HERC1: variants seen among roughly 807,000 people sequenced by gnomAD.
The protein encoded by HERC1 is probable E3 ubiquitin-protein ligase HERC1.
Under a neutral mutation model 554.3 loss-of-function variants are expected in HERC1, and 160 were observed. The observed-to-expected ratio is 0.29, with a 90% CI of 0.25 to 0.33. The LOEUF is 0.33. HERC1 is among the 10% of genes least tolerant of loss of function. The pLI, the probability that HERC1 is intolerant of heterozygous loss-of-function variation, is 1.00. For synonymous variants in HERC1, 2,175 were observed against 2,131.7 expected, an observed-to-expected ratio of 1.02 and a Z score of -0.56; for missense variants, 4,919 against 5,918.5, an observed-to-expected ratio of 0.83 and a Z score of 5.54.
chr15:63,718,528 C>A lies in HERC1; in HGVS notation c.3978+46G>T. The A allele has an allele frequency of 6.6e-7, 1 of 1,513,008 alleles. No individual in the cohort carries two copies. 93.7% of individuals were successfully genotyped at this position (1,513,008 alleles called of 1,614,324 possible). Reference sequence around the variant, plus strand: ...CATAAACCAATTTAGAGCTAGCTCTCACAGCTTGCAGAAAAACATAGAAAT... The same window carrying A: ...CATAAACCAATTTAGAGCTAGCTCTAACAGCTTGCAGAAAAACATAGAAAT... On this transcript the variant is annotated intron_variant, in intron 21 of 77. Coordinates refer to ENST00000443617, the MANE Select transcript of HERC1 (RefSeq NM_003922.4). This position sits in a 1 kb window ranked among gnomAD's most constrained non-coding sequence, Gnocchi z 4.2.
chr15:63,666,453 A>G lies in HERC1; in HGVS notation c.8226T>C (p.Ser2742=). Residue 2742 remains serine, a synonymous_variant, in exon 41 of 78, where the codon AGT becomes AGC. Transcript: ENST00000443617. Reference sequence around the variant, plus strand: ...GAGGAGGAGGAGAAGTTGAAAGTCTACTGCTTGGGTCTGACAAGGCTGAGA... The same window carrying G: ...GAGGAGGAGGAGAAGTTGAAAGTCTGCTGCTTGGGTCTGACAAGGCTGAGA... ...ANRTALSDPS[S]RLSTSPPPPA... is the part of the protein sequence containing the mutation. 1.9e-6 allele frequency: 3 copies of G among 1,612,522 alleles called. No individual in the cohort carries two copies. The highest frequency in any genetic ancestry group is 2.5e-6 in the Non-Finnish European group (3 of 1,178,976).
chr15:63,655,449 T>A (rs2069977139), intron 50 of HERC1, among the ~76,000 whole-genome samples: 1 of 152,210 alleles, frequency 6.6e-6, no homozygotes, highest in Non-Finnish European at 1.5e-5. Flanking sequence ...CAAAGTGTTA[T>A]AATCTTAAAA....
chr15:63,794,267 T>C (rs116705267), intron 1 of HERC1, among the ~76,000 whole-genome samples: 4,703 of 152,240 alleles, frequency 0.031, 232 homozygotes, highest in African/African-American at 0.11. Flanking sequence ...CTTTACTCTA[T>C]AGACTCGCCC....
At chr15:63,755,575 T>C (rs772602945) in intron 5 of HERC1, among the ~76,000 whole-genome samples, 2 of 152,144 alleles carry the variant, frequency 1.3e-5, no homozygotes, top group African/African-American at 2.4e-5. Flanking sequence ...GCTCAGGAGT[T>C]CGAGTTCAGC....
intron 2 of HERC1, among the ~76,000 whole-genome samples, chr15:63,765,929 A>G (rs1361328216): frequency 1.3e-5 from 2 of 151,992 alleles, no homozygotes; most frequent in African/African-American, 2.4e-5. Flanking sequence ...TTCTAAACTG[A>G]TAGAGAAAGA....
chr15:63,725,921 G>T (rs1288056339), intron 17 of HERC1, among the ~76,000 whole-genome samples: 3 of 151,400 alleles, frequency 2.0e-5, no homozygotes, highest in Non-Finnish European at 4.4e-5. Flanking sequence ...GCTTTTTAAG[G>T]CCTGAATTCA....
At position 63,641,543 on chromosome 15, in the gene HERC1, T is replaced by C. The variant is rs1363998324; in HGVS notation, c.11534A>G (p.Asn3845Ser). The C allele has an allele frequency of 6.2e-7, 1 of 1,613,004 alleles. No homozygotes were observed. The highest frequency in any genetic ancestry group is 1.7e-5 in the Admixed American group (1 of 59,888). The change falls in exon 60 of 78, where the codon AAC becomes AGC. Residue 3845 changes from asparagine (N) to serine (S), a missense_variant. Asn to Ser is a conservative substitution (Grantham distance 46, BLOSUM62 1). This residue lies in a region of HERC1 where 1,963 missense variants were observed against 2,228.6 expected (regional missense o/e 0.88). Coordinates refer to ENST00000443617, the MANE Select transcript of HERC1 (RefSeq NM_003922.4). ...AAATGCTCTCATGCAGGGAGCCATGTTCAATCCCAGAACACCCTGCTGTTT... is the reference window on the plus strand; with the variant it reads ...AAATGCTCTCATGCAGGGAGCCATGCTCAATCCCAGAACACCCTGCTGTTT... The part of the protein sequence containing the change: ...ALKQQGVLGL[N>S]MAPCMRAFLE...
chr15:63,684,588 C>T (rs2071644417), intron 34 of HERC1, among the ~76,000 whole-genome samples: 1 of 152,100 alleles, frequency 6.6e-6, no homozygotes, highest in Admixed American at 6.5e-5. Context: ...AAATGGGACA[C>T]TCAATTTCAT....
chr15:63,702,105 G>A (rs368330368), intron 25 of HERC1, among the ~76,000 whole-genome samples: 1 of 152,054 alleles, frequency 6.6e-6, no homozygotes, highest in African/African-American at 2.4e-5. Context: ...AAAATATGTA[G>A]GCAAGCTAAA....
In HERC1 at chr15:63,729,490, C is replaced by T. The variant is rs375493399; in HGVS notation, c.3021+7G>A. 1.2e-5 allele frequency: 20 copies of T among 1,611,620 alleles called. No homozygotes were observed. In the African/African-American group the frequency reaches 1.9e-4, roughly 15 times the overall value. ...TAGATCACCATAAAAGACAAATAAT[C>T]GCATACCTCACTAATGTTATTGATA... On this transcript the variant is annotated splice_region_variant and intron_variant, in intron 15 of 77. Coordinates refer to ENST00000443617, the MANE Select transcript of HERC1 (RefSeq NM_003922.4).
chr15:63,654,092 AAC>A (rs755383386), intron 51 of HERC1, 25 bp downstream of exon 51: 6 of 1,555,246 alleles, frequency 3.9e-6, no homozygotes, highest in Admixed American at 3.3e-5. Context: ...TAACGTGATT[AAC>A]ACACTTTCCA....
At chr15:63,661,606 C>T (rs2070362697) in intron 45 of HERC1, 147 bp downstream of exon 45, 4 of 764,560 alleles carry the variant, frequency 5.2e-6, no homozygotes, top group Non-Finnish European at 6.3e-6. Flanking sequence ...TTCTGAAACC[C>T]CTCCATCCCT....
chr15:63,824,917 CAG>C (rs2077835915), intron 1 of HERC1, among the ~76,000 whole-genome samples: 1 of 147,840 alleles, frequency 6.8e-6, no homozygotes, highest in African/African-American at 2.5e-5. Flanking sequence ...TACATAGAAA[CAG>C]AGACTAGAAC....
rs2071116878 is a variant in HERC1 at position 63,674,897 on chromosome 15, T to C, written c.7291A>G (p.Lys2431Glu). Residue 2431 changes from lysine (K) to glutamate (E), a missense_variant, in exon 38 of 78, where the codon AAA (lysine) becomes GAA (glutamate). Around this residue, in one of 11 missense-constraint regions of HERC1, gnomAD observed 1,963 missense variants for 2,228.6 expected, o/e 0.88. Transcript: ENST00000443617. ...TCTAAAGCGGATTCACTCTCAGGTTTCTGCTCAACATCCCCTTTCTCCTCG... is the reference window on the plus strand; with the variant it reads ...TCTAAAGCGGATTCACTCTCAGGTTCCTGCTCAACATCCCCTTTCTCCTCG... Reference protein sequence around the residue: ...ESEEKGDVEQKPESESALDMR... With the variant: ...ESEEKGDVEQEPESESALDMR... The C allele has an allele frequency of 6.2e-7, 1 of 1,613,940 alleles. No homozygotes were observed. Among genetic ancestry groups the C allele is most frequent in the South Asian group, 1.1e-5 (1 of 91,088 alleles).
chr15:63,723,403 G>A (rs756948741), intron 18 of HERC1, 48 bp from the exon 19 acceptor site: 51 of 1,303,858 alleles, frequency 3.9e-5, no homozygotes, highest in Non-Finnish European at 4.5e-5. Flanking sequence ...AAATTTTGGT[G>A]CTACAGATAA....
Position 63,677,860 on chromosome 15 carries a change from G to A in HERC1, c.7055C>T (p.Ala2352Val), listed in dbSNP as rs761674054. 1 of 1,613,570 alleles carries A rather than the reference G, an allele frequency of 6.2e-7. No homozygotes were observed. The highest frequency in any genetic ancestry group is 1.1e-5 in the South Asian group (1 of 91,016). The change falls in exon 37 of 78, where the codon GCA becomes GTA. Residue 2352 changes from alanine to valine, a missense_variant. This residue lies in a region of HERC1 where 1,963 missense variants were observed against 2,228.6 expected (regional missense o/e 0.88). Coordinates refer to ENST00000443617, the MANE Select transcript of HERC1 (RefSeq NM_003922.4). The surrounding 1 kb of genome is among the most constrained non-coding windows in gnomAD (Gnocchi z 4.4). ...CAGATCATACCTGATAGTAATTTCT[G>A]CTTCATCCCATTGGACCTTGGCAGA... ...STSAKVQWDE[A>V]EITISFPTFW...
At position 63,688,057 on chromosome 15, in the gene HERC1, A is replaced by G. The variant is rs144127772; in HGVS notation, c.6049-1522T>C. Among the ~76,000 whole-genome samples the G allele has an allele frequency of 8.6e-3, 1,317 of 152,334 alleles. 8 individuals are homozygous for G. The highest frequency in any genetic ancestry group is 0.014 in the Middle Eastern group (4 of 294). On this transcript the variant is annotated intron_variant, in intron 33 of 77. Coordinates refer to ENST00000443617, the MANE Select transcript of HERC1 (RefSeq NM_003922.4). ...ACATGCTCTGATTTACAATTTTAAA[A>G]GATCATTCTGGATCCTGTGCAGAGA...
chr15:63,729,597 G>A lies in HERC1; in HGVS notation c.2921C>T (p.Thr974Ile), dbSNP rs1234684161. 6.2e-7 allele frequency: 1 copy of A among 1,613,552 alleles called. No homozygotes were observed. Among genetic ancestry groups the A allele is most frequent in the Admixed American group, 1.7e-5 (1 of 60,020 alleles). The change falls in exon 15 of 78, where the codon ACA becomes ATA. Residue 974 changes from threonine to isoleucine, a missense_variant. Around this residue, in one of 11 missense-constraint regions of HERC1, gnomAD observed 744 missense variants for 1,090.0 expected, o/e 0.68. Coordinates refer to ENST00000443617, the MANE Select transcript of HERC1 (RefSeq NM_003922.4). ...AGGCTGACTGTTTTCTGATGATGAT[G>A]TTCCAAGTAGAAATTTATCACTATT... ...EKNSDKFLLG[T>I]SSSENSQPAH...
Position 63,828,956 on chromosome 15 carries a change from T to C in HERC1, c.-27+4871A>G, listed in dbSNP as rs186571407. 3.9e-4 allele frequency among the ~76,000 whole-genome samples: 60 copies of C among 152,320 alleles called. 1 individual carries two copies. The East Asian group carries it at 0.011, about 27-fold the overall frequency. On this transcript the variant is annotated intron_variant, in intron 1 of 77. Coordinates refer to ENST00000443617, the MANE Select transcript of HERC1 (RefSeq NM_003922.4). ...TTCACTAGGGTACAGGTTAGCAATC[T>C]GTAACCACTTCATGTGTATTCTAGA... is the stretch of plus-strand genomic sequence containing the variant.
Sources: allele counts gnomAD v4.1 joint callset (sites outside exome capture counted in the v4.1 genomes callset), GRCh38; gene constraint gnomAD v4.1.1; regional missense constraint gnomAD v4.1.1; non-coding constraint Gnocchi (gnomAD v3.1); transcripts MANE v1.5; gene names NCBI Gene and HGNC (gene_info 2026-07-23, HGNC 2026-07-21).